The following UGT1A10 variants were observed in gnomAD, a reference collection of about 807,000 sequenced individuals.
The protein encoded by UGT1A10 is UDP glucuronosyltransferase family 1 member A10, also known as UDP-glucuronosyltransferase 1A10.
Under a neutral mutation model 45.8 loss-of-function variants are expected in UGT1A10, and 49 were observed. That is an observed-to-expected ratio of 1.07 (90% CI 0.85 to 1.36). The LOEUF (loss-of-function observed/expected upper bound fraction) is 1.36, where lower values mean the gene tolerates loss of function less well. Ranked by LOEUF, UGT1A10 falls within the 40% of genes most tolerant of loss-of-function variation. The probability of loss-of-function intolerance (pLI) is 0.00; values close to 1 mark genes in which losing one functional copy is unlikely to be tolerated. For synonymous variants in UGT1A10, 284 were observed against 249.7 expected (o/e 1.14, Z -1.29); for missense variants, 745 against 668.6 (o/e 1.11, Z -1.26).
At chr2:233,719,629 T>C in intron 1 of UGT1A10, 1 of 1,614,102 alleles carries the variant, frequency 6.2e-7, no homozygotes, top group Admixed American at 1.7e-5. Flanking sequence ...AGGCCGATCA[T>C]GCCCAACATG....
intron 1 of UGT1A10, among the ~76,000 whole-genome samples, chr2:233,701,227 A>G (rs1158815086): frequency 1.3e-5 from 2 of 152,172 alleles, no homozygotes; most frequent in African/African-American, 4.8e-5. Flanking sequence ...TCCTTTGGGT[A>G]TATACCCAGT....
intron 1 of UGT1A10, among the ~76,000 whole-genome samples, chr2:233,701,548 T>G (rs2075635048): frequency 6.6e-6 from 1 of 152,172 alleles, no homozygotes; most frequent in African/African-American, 2.4e-5. Context: ...TACATTCTTT[T>G]CAGCACCACA....
At chr2:233,711,280 T>C (rs1376042082) in intron 1 of UGT1A10, among the ~76,000 whole-genome samples, 3 of 152,194 alleles carry the variant, frequency 2.0e-5, no homozygotes, top group Non-Finnish European at 4.4e-5. Flanking sequence ...CTAGGAGTCC[T>C]AGACGTGGGA....
intron 1 of UGT1A10, among the ~76,000 whole-genome samples, chr2:233,739,223 T>C (rs1465216859): frequency 3.3e-5 from 5 of 152,316 alleles, no homozygotes; most frequent in African/African-American, 4.8e-5. Context: ...AGAGTCCTTA[T>C]AGAGAACCTC....
At chr2:233,672,689 T>C (rs748395710) in intron 1 of UGT1A10, 9 of 1,613,952 alleles carry the variant, frequency 5.6e-6, no homozygotes, top group Non-Finnish European at 6.8e-6. Context: ...TCAATTTGGT[T>C]GTTGCGAACG....
In UGT1A10 at chr2:233,760,900, AC is replaced by A. The variant is rs1697605792; in HGVS notation, c.856-6132del. 3.1e-6 allele frequency: 5 copies of A among 1,613,652 alleles called. No individual in the cohort carries two copies. The highest frequency in any genetic ancestry group is 3.3e-5 in the Admixed American group (2 of 59,970). On this transcript the variant is annotated intron_variant, in intron 1 of 4. Coordinates refer to ENST00000344644, the MANE Select transcript of UGT1A10 (RefSeq NM_019075.4). The stretch of plus-strand genomic sequence containing the variant: ...TCTCTCCTCTCATTCAGATCACATG[AC>A]CTTCCTGCAGCGGGTGAAGAACATG...
intron 1 of UGT1A10, among the ~76,000 whole-genome samples, chr2:233,653,394 A>T (rs1409923017): frequency 6.6e-6 from 1 of 152,200 alleles, no homozygotes; most frequent in African/African-American, 2.4e-5. Context: ...GATGAATCAT[A>T]TTCTTAAAGT....
At chr2:233,661,455 A>G (rs1242688067) in intron 1 of UGT1A10, among the ~76,000 whole-genome samples, 2 of 152,112 alleles carry the variant, frequency 1.3e-5, no homozygotes, top group Non-Finnish European at 2.9e-5. Flanking sequence ...CACAGATGGA[A>G]TCCTAGTTCT....
At chr2:233,745,616 T>G (rs1169913759) in intron 1 of UGT1A10, among the ~76,000 whole-genome samples, 1 of 151,452 alleles carries the variant, frequency 6.6e-6, no homozygotes, top group African/African-American at 2.4e-5. Context: ...AAGCACACAA[T>G]GAACAGTCAT....
At chr2:233,728,943 T>A (rs1281650541) in intron 1 of UGT1A10, among the ~76,000 whole-genome samples, 3 of 148,150 alleles carry the variant, frequency 2.0e-5, no homozygotes, top group Admixed American at 2.0e-4. Flanking sequence ...TTTTCCAGGG[T>A]GGGGCCCACA....
rs186385577 is a variant in UGT1A10 at position 233,726,826 on chromosome 2, T to C, written c.856-40208T>C. ...TGGAGGTTTTCCTCTATTCGACCAT[T>C]TAAATTTAATTTTTGTTCCTTTTCT... On this transcript the variant is annotated intron_variant, in intron 1 of 4. Transcript: ENST00000344644. 4.6e-3 allele frequency among the ~76,000 whole-genome samples: 697 copies of C among 152,318 alleles called. 10 individuals carry two copies. Among genetic ancestry groups the C allele is most frequent in the Middle Eastern group, 0.031 (9 of 294 alleles).
intron 1 of UGT1A10, chr2:233,672,433 G>A: frequency 6.2e-7 from 1 of 1,613,864 alleles, no homozygotes; most frequent in Non-Finnish European, 8.5e-7. Flanking sequence ...CCCCTCCGTG[G>A]TCTTCGCCAG....
chr2:233,760,594 G>T, intron 1 of UGT1A10: 1 of 1,614,198 alleles, frequency 6.2e-7, no homozygotes, highest in Non-Finnish European at 8.5e-7. Context: ...TTTTGAGAAT[G>T]ATTCTTTCCT....
chr2:233,651,922 A>G (rs2073752683), intron 1 of UGT1A10, among the ~76,000 whole-genome samples: 1 of 152,334 alleles, frequency 6.6e-6, no homozygotes, highest in East Asian at 1.9e-4. Flanking sequence ...ATTACATCCA[A>G]TGCTGTAATT....
chr2:233,642,850 C>A (rs1452969116), intron 1 of UGT1A10, among the ~76,000 whole-genome samples: 2 of 152,170 alleles, frequency 1.3e-5, no homozygotes, highest in Non-Finnish European at 2.9e-5. Flanking sequence ...TCTTCCCTTA[C>A]TTCCTCCCAA....
rs45625338 is a variant in UGT1A10 at position 233,729,259 on chromosome 2, C to T, written c.856-37775C>T. 3,601 of 1,614,078 alleles carry T rather than the reference C, an allele frequency of 2.2e-3. 92 individuals are homozygous for T. In the East Asian group the frequency reaches 0.052, roughly 23 times the overall value. On this transcript the variant is annotated intron_variant, in intron 1 of 4. Transcript: ENST00000344644. ...TGATGGCAGCCACTGGCTCAGCATGCGGGAGGTCTTGCGGGAGCTCCATGC... is the reference window on the plus strand; with the variant it reads ...TGATGGCAGCCACTGGCTCAGCATGTGGGAGGTCTTGCGGGAGCTCCATGC...
intron 1 of UGT1A10, among the ~76,000 whole-genome samples, chr2:233,662,258 C>T (rs1387648771): frequency 2.0e-5 from 3 of 152,096 alleles, no homozygotes; most frequent in East Asian, 3.9e-4. Context: ...AAAATAGACT[C>T]GTTGCTATAT....
intron 1 of UGT1A10, among the ~76,000 whole-genome samples, chr2:233,726,638 A>G (rs1268370501): frequency 1.3e-5 from 2 of 152,164 alleles, no homozygotes; most frequent in Admixed American, 6.6e-5. Context: ...CAATCTCCCC[A>G]TCTTAAAACT....
chr2:233,748,637 G>C (rs1693996531), intron 1 of UGT1A10, among the ~76,000 whole-genome samples: 1 of 151,746 alleles, frequency 6.6e-6, no homozygotes, highest in South Asian at 2.1e-4. Flanking sequence ...TGTGATTATA[G>C]AATTACACAC....
Sources: allele counts gnomAD v4.1 joint callset (sites outside exome capture counted in the v4.1 genomes callset), GRCh38; gene constraint gnomAD v4.1.1; transcripts MANE v1.5; gene names NCBI Gene and HGNC (gene_info 2026-07-23, HGNC 2026-07-21).